The following PRKCB variants were observed in gnomAD, a reference collection of about 807,000 sequenced individuals.
PRKCB encodes protein kinase C beta, also known as protein kinase C beta type.
Under a neutral mutation model 81.5 loss-of-function variants are expected in PRKCB, and 13 were observed. The observed-to-expected ratio is 0.16, with a 90% CI of 0.10 to 0.25. PRKCB has a LOEUF of 0.25. Ranked by LOEUF, PRKCB falls within the 10% of genes least tolerant of loss-of-function variation. The pLI is 1.00. For synonymous variants in PRKCB, 335 were observed against 321.4 expected (o/e 1.04, Z -0.45); for missense variants, 509 against 875.7 (o/e 0.58, Z 5.29).
Position 24,180,770 on chromosome 16 carries a change from A to C in PRKCB, c.1395-20A>C. 1 of 1,611,490 alleles carries C rather than the reference A, an allele frequency of 6.2e-7. No homozygotes were observed. Among genetic ancestry groups the C allele is most frequent in the Non-Finnish European group, 8.5e-7 (1 of 1,178,414 alleles). The stretch of plus-strand genomic sequence containing the variant: ...TGCATAGCGTTTAATTAAATCTCTA[A>C]ATTCTTGTGTCTGCCATAGTGACCT... On this transcript the variant is annotated intron_variant, in intron 12 of 16. Transcript: ENST00000643927.
At chr16:24,188,144 G>A (rs1053405239) in intron 15 of PRKCB, among the ~76,000 whole-genome samples, 8 of 152,152 alleles carry the variant, frequency 5.3e-5, no homozygotes, top group Admixed American at 2.6e-4. Flanking sequence ...TGGTAGAGCC[G>A]TTTTCTATTA....
chr16:24,028,853 C>G (rs914639273), intron 3 of PRKCB, among the ~76,000 whole-genome samples: 10 of 151,956 alleles, frequency 6.6e-5, no homozygotes, highest in African/African-American at 9.7e-5. Flanking sequence ...TGCAGTAGCA[C>G]GATCTCGGCT....
intron 7 of PRKCB, among the ~76,000 whole-genome samples, chr16:24,101,017 G>A (rs893225262): frequency 1.3e-5 from 2 of 152,042 alleles, no homozygotes; most frequent in Non-Finnish European, 2.9e-5. Context: ...GCACCAGCTG[G>A]TCCATCAGAA....
intron 16 of PRKCB, among the ~76,000 whole-genome samples, chr16:24,210,072 T>C (rs902420983): frequency 8.5e-5 from 13 of 152,280 alleles, no homozygotes; most frequent in African/African-American, 3.1e-4. Context: ...GCTGTGATCA[T>C]GCCTCTGACT....
At chr16:23,869,622 T>A (rs11648799) in intron 2 of PRKCB, among the ~76,000 whole-genome samples, 1 of 152,044 alleles carries the variant, frequency 6.6e-6, no homozygotes, top group Non-Finnish European at 1.5e-5. Flanking sequence ...ACCAAAGATA[T>A]AGAACAGGAA....
intron 1 of PRKCB, among the ~76,000 whole-genome samples, chr16:23,836,679 C>T (rs1011391625): frequency 1.3e-5 from 2 of 151,776 alleles, no homozygotes; most frequent in Non-Finnish European, 2.9e-5. Context: ...CCCTGGAGGG[C>T]AGCGCCTCGG....
At chr16:23,959,534 G>A (rs1288423753) in intron 2 of PRKCB, among the ~76,000 whole-genome samples, 1 of 152,226 alleles carries the variant, frequency 6.6e-6, no homozygotes, top group Non-Finnish European at 1.5e-5. Context: ...GAGAGGCAGC[G>A]CCTCGCAGGA....
chr16:24,020,237 C>A (rs1965340706), intron 3 of PRKCB, among the ~76,000 whole-genome samples: 1 of 152,136 alleles, frequency 6.6e-6, no homozygotes, highest in African/African-American at 2.4e-5. Flanking sequence ...AGGCAGTTTG[C>A]ATATTGATCC....
At chr16:23,988,984 G>A (rs1036987978) in intron 3 of PRKCB, among the ~76,000 whole-genome samples, 2 of 151,942 alleles carry the variant, frequency 1.3e-5, no homozygotes, top group African/African-American at 4.8e-5. Flanking sequence ...TTTTTCAGAT[G>A]GAGTCTTGCT....
At chr16:24,136,677 G>T (rs1304266323) in intron 9 of PRKCB, among the ~76,000 whole-genome samples, 1 of 152,140 alleles carries the variant, frequency 6.6e-6, no homozygotes, top group East Asian at 1.9e-4. Flanking sequence ...GTGGACCAGG[G>T]ATCCCTAGGA....
chr16:24,035,399 C>T lies in PRKCB; in HGVS notation c.401-20C>T. The T allele has an allele frequency of 6.2e-7, 1 of 1,611,852 alleles. No individual in the cohort carries two copies. Among genetic ancestry groups the T allele is most frequent in the South Asian group, 1.1e-5 (1 of 90,806 alleles). ...AGCCTGGGCCAGCCTAAGCCACATC[C>T]CCTCTCTCTGCCCTCACAGCCTGCA... is the stretch of plus-strand genomic sequence containing the variant. On this transcript the variant is annotated intron_variant, in intron 4 of 16. Transcript: ENST00000643927.
intron 5 of PRKCB, among the ~76,000 whole-genome samples, chr16:24,090,985 A>G (rs1422169171): frequency 6.6e-6 from 1 of 152,110 alleles, no homozygotes; most frequent in African/African-American, 2.4e-5. Flanking sequence ...CCTTTTCCCT[A>G]TGGGCTGTCT....
In PRKCB at chr16:24,105,729, GTATTCCATGGTGTATA is replaced by G. The variant is rs374064243; in HGVS notation, c.822-7240_822-7225del. On this transcript the variant is annotated intron_variant, in intron 7 of 16. Transcript: ENST00000643927. ...ACTCATCCTTTTTTATGGCTGCATA[GTATTCCATGGTGTATA>G]TATGCCACATTTTCTTTATCCAGTC... Among the ~76,000 whole-genome samples the G allele has an allele frequency of 6.8e-3, 1,040 of 152,268 alleles. 5 individuals carry two copies. Among genetic ancestry groups the G allele is most frequent in the East Asian group, 0.026 (133 of 5,180 alleles).
chr16:24,198,408 C>T (rs1967909672), intron 16 of PRKCB, among the ~76,000 whole-genome samples: 1 of 152,148 alleles, frequency 6.6e-6, no homozygotes, highest in African/African-American at 2.4e-5. Context: ...GATTCAGCCG[C>T]CTCAGAAGAC....
intron 7 of PRKCB, among the ~76,000 whole-genome samples, chr16:24,096,666 A>AAAAAAAAAAATATATATAT (rs1406204037): frequency 3.1e-5 from 1 of 32,706 alleles, no homozygotes; most frequent in African/African-American, 9.7e-5. Context: ...AAAAAAAAAA[A>AAAAAAAAAAATATATATAT]ATATATATAT....
chr16:24,170,385 G>A (rs1321637241), intron 10 of PRKCB, among the ~76,000 whole-genome samples: 1 of 151,954 alleles, frequency 6.6e-6, no homozygotes, highest in Non-Finnish European at 1.5e-5. Context: ...AGAGTATAAC[G>A]GCAGACCTAA....
chr16:24,075,835 A>G (rs1480829704), intron 5 of PRKCB, among the ~76,000 whole-genome samples: 2 of 152,210 alleles, frequency 1.3e-5, no homozygotes, highest in African/African-American at 4.8e-5. Context: ...GTTTTCATAC[A>G]TGAGTGTCAC....
intron 2 of PRKCB, among the ~76,000 whole-genome samples, chr16:23,864,768 T>C (rs763809795): frequency 3.3e-5 from 5 of 152,048 alleles, no homozygotes; most frequent in African/African-American, 1.2e-4. Flanking sequence ...AGGGAGTACA[T>C]GTGCAGTTTC....
intron 1 of PRKCB, among the ~76,000 whole-genome samples, chr16:23,836,613 C>G (rs1046621050): frequency 6.6e-6 from 1 of 151,756 alleles, no homozygotes; most frequent in African/African-American, 2.4e-5. Context: ...CGCCCAGGGG[C>G]GGCGTCGCGG....
Sources: gnomAD v4.1 joint callset for allele counts (sites outside exome capture counted in the v4.1 genomes callset) on GRCh38, gnomAD v4.1.1 for gene constraint, MANE v1.5 for transcripts, NCBI Gene and HGNC (gene_info 2026-07-23, HGNC 2026-07-21) for gene names.